Variants in ZNF320 observed in about 807,000 individuals in gnomAD.
ZNF320 encodes zinc finger gene 320.
A neutral mutation model predicts 6.8 loss-of-function variants in ZNF320; 2 were observed. The observed-to-expected ratio is 0.29, with a 90% CI of 0.12 to 0.93. The LOEUF is 0.93. Among genes scored for constraint, ZNF320 ranks in the 40% least tolerant of loss-of-function variants. The pLI is 0.55. For missense variants in ZNF320, 472 were observed against 611.0 expected (o/e 0.77, Z 2.40); for synonymous variants, 208 against 203.2 (o/e 1.02, Z -0.20).
At chr19:52,866,216 T>A (rs777792264) in intron 5 of ZNF320, among the ~76,000 whole-genome samples, 68 of 102,264 alleles carry the variant, frequency 6.6e-4, no homozygotes, top group Non-Finnish European at 1.0e-3. Context: ...ATACATATAT[T>A]TATATATATG....
chr19:52,865,469 ATTAC>A (rs1192345215), intron 5 of ZNF320: 759 of 41,462 alleles, frequency 0.018, 22 homozygotes, highest in Middle Eastern at 0.04. Flanking sequence ...ATATATATAT[ATTAC>A]ATATATATAT....
intron 4 of ZNF320, 140 bp downstream of exon 4, chr19:52,890,101 A>C (rs554071269): frequency 7.3e-7 from 1 of 1,362,086 alleles, no homozygotes; most frequent in African/African-American, 1.4e-5. Flanking sequence ...GTGAGATAAG[A>C]GGGACTGAGG....
intron 5 of ZNF320, among the ~76,000 whole-genome samples, chr19:52,866,572 G>C (rs945196397): frequency 6.6e-6 from 1 of 151,962 alleles, no homozygotes; most frequent in Non-Finnish European, 1.5e-5. Context: ...TAAAATACCA[G>C]AACAAAACAT....
Position 52,867,835 on chromosome 19 carries a change from G to C in ZNF320, c.224-3676C>G, listed in dbSNP as rs372948215. Among the ~76,000 whole-genome samples the C allele has an allele frequency of 5.9e-3, 893 of 151,056 alleles. 10 individuals carry two copies. Among genetic ancestry groups the C allele is most frequent in the African/African-American group, 0.017 (690 of 41,298 alleles). On this transcript the variant is annotated intron_variant, in intron 5 of 5. Transcript: ENST00000673631. ...CCATGTTGGCCAGGCTGGTCTCGAAGTCCTGACCTCAGGTGATCTGCCCGT... is the reference window on the plus strand; with the variant it reads ...CCATGTTGGCCAGGCTGGTCTCGAACTCCTGACCTCAGGTGATCTGCCCGT...
intron 5 of ZNF320, chr19:52,883,598 A>T: frequency 2.2e-6 from 1 of 455,514 alleles, no homozygotes; most frequent in Middle Eastern, 3.3e-4. Flanking sequence ...CAGAATTATA[A>T]GGAATAAGAA....
At chr19:52,891,422 TGATGGGC>T (rs2064288160) in intron 2 of ZNF320, 76 bp from the exon 3 acceptor site, 1 of 150,734 alleles carries the variant, frequency 6.6e-6, no homozygotes, top group Non-Finnish European at 1.5e-5. Context: ...TGATAGAGAT[TGATGGGC>T]AGAGGGAATT....
At chr19:52,868,121 G>A (rs2063611265) in intron 5 of ZNF320, among the ~76,000 whole-genome samples, 1 of 152,172 alleles carries the variant, frequency 6.6e-6, no homozygotes, top group Admixed American at 6.5e-5. Flanking sequence ...CATTGCTGAA[G>A]GCTGACAACT....
intron 5 of ZNF320, among the ~76,000 whole-genome samples, chr19:52,865,119 G>A (rs899703908): frequency 1.3e-5 from 2 of 151,906 alleles, no homozygotes; most frequent in Admixed American, 6.6e-5. Context: ...GTCAGGAGTT[G>A]GAGACCAGCC....
chr19:52,901,618 G>T (rs570097366), upstream of ZNF320, among the ~76,000 whole-genome samples: 26 of 152,312 alleles, frequency 1.7e-4, 1 homozygote, highest in Middle Eastern at 0.01. Flanking sequence ...GTAAGGTGGC[G>T]GGGTTAGGGT....
chr19:52,876,171 A>G (rs554959747), downstream of ZNF320: 3 of 152,314 alleles, frequency 2.0e-5, no homozygotes. Context: ...AGAAGATGGA[A>G]TAATAGGCTA....
chr19:52,865,434 T>TTTTATATATATATA (rs368584132), intron 5 of ZNF320: 13 of 152,760 alleles, frequency 8.5e-5, no homozygotes, highest in African/African-American at 3.8e-4. Flanking sequence ...GGTCCAGGCT[T>TTTTATATATATATA]TATATATATA....
chr19:52,874,616 T>C (rs1160248498), downstream of ZNF320, among the ~76,000 whole-genome samples: 2 of 152,202 alleles, frequency 1.3e-5, no homozygotes, highest in African/African-American at 4.8e-5. Context: ...CAGCCCCACC[T>C]TCTGGCTCTG....
intron 5 of ZNF320, among the ~76,000 whole-genome samples, chr19:52,882,761 C>CTGTTT (rs2063962006): frequency 6.6e-6 from 1 of 152,060 alleles, no homozygotes; most frequent in Non-Finnish European, 1.5e-5. Flanking sequence ...GCCAACATGG[C>CTGTTT]GAAGCCCTGT....
At chr19:52,883,898 CA>C (rs956210169) in intron 5 of ZNF320, among the ~76,000 whole-genome samples, 1 of 151,552 alleles carries the variant, frequency 6.6e-6, no homozygotes, top group African/African-American at 2.4e-5. Flanking sequence ...GATTCCATCT[CA>C]AAAAAAATAA....
downstream of ZNF320, among the ~76,000 whole-genome samples, chr19:52,859,914 CT>C (rs36107250): frequency 0.57 from 74,769 of 130,668 alleles, 19,941 homozygotes; most frequent in Admixed American, 0.64. Context: ...GTTTTTCTTT[CT>C]TTTTTTTTTT....
downstream of ZNF320, among the ~76,000 whole-genome samples, chr19:52,860,486 C>G (rs953363696): frequency 2.0e-5 from 3 of 151,040 alleles, no homozygotes; most frequent in Non-Finnish European, 4.4e-5. Context: ...GTAATCCTAG[C>G]TCCTCAGGAT....
chr19:52,866,190 A>G (rs1020368679), intron 5 of ZNF320, among the ~76,000 whole-genome samples: 2 of 104,048 alleles, frequency 1.9e-5, no homozygotes, highest in African/African-American at 8.9e-5. Context: ...TTATACATAT[A>G]TTTATATATA....
intron 5 of ZNF320, among the ~76,000 whole-genome samples, chr19:52,884,773 T>C (rs567320638): frequency 6.6e-6 from 1 of 152,242 alleles, no homozygotes; most frequent in Admixed American, 6.5e-5. Flanking sequence ...TTTCTAACAG[T>C]GAAATGACAG....
At chr19:52,866,085 T>G (rs2063561756) in intron 5 of ZNF320, among the ~76,000 whole-genome samples, 2 of 70,294 alleles carry the variant, frequency 2.8e-5, no homozygotes, top group African/African-American at 6.9e-5. Context: ...TGATTATACA[T>G]ATATTTATAT....
Sources: gnomAD v4.1 joint callset for allele counts (sites outside exome capture counted in the v4.1 genomes callset) on GRCh38, gnomAD v4.1.1 for gene constraint, MANE v1.5 for transcripts, NCBI Gene and HGNC (gene_info 2026-07-23, HGNC 2026-07-21) for gene names.